Variants in ST13 observed in about 807,000 individuals in gnomAD.
The protein encoded by ST13 is ST13 Hsp70 interacting protein, also known as hsc70-interacting protein.
Under a neutral mutation model 56.7 loss-of-function variants are expected in ST13, and 23 were observed. The ratio of observed to expected loss-of-function variants is 0.41; its 90% CI spans 0.29 to 0.57. The LOEUF (loss-of-function observed/expected upper bound fraction) is 0.57. ST13 is among the 20% of genes least tolerant of loss of function. The probability of loss-of-function intolerance (pLI) is 0.36; values close to 1 mark genes in which losing one functional copy is unlikely to be tolerated. For missense variants in ST13, 369 were observed against 459.9 expected (o/e 0.80, Z 1.81); for synonymous variants, 132 against 142.4 (o/e 0.93, Z 0.52).
At chr22:40,840,790 TTTCA>T in intron 4 of ST13, 98 bp from the exon 5 acceptor site, 1 of 889,086 alleles carries the variant, frequency 1.1e-6, no homozygotes, top group East Asian at 2.5e-5. Context: ...CAATACCCAT[TTTCA>T]TTCATTCTTC....
chr22:40,848,210 G>C, intron 3 of ST13, 84 bp downstream of exon 3: 1 of 930,272 alleles, frequency 1.1e-6, no homozygotes, highest in Non-Finnish European at 1.8e-6. Context: ...CTATTACACA[G>C]TGCTGATTTA....
intron 8 of ST13, 43 bp downstream of exon 8, chr22:40,832,526 G>T (rs2145734386): frequency 7.1e-7 from 1 of 1,401,986 alleles, no homozygotes; most frequent in South Asian, 1.2e-5. Context: ...TACAGCGATG[G>T]AGTATTTAAC....
chr22:40,840,787 C>A, intron 4 of ST13, 95 bp from the exon 5 acceptor site: 1 of 885,958 alleles, frequency 1.1e-6, no homozygotes. Context: ...TCACAATACC[C>A]ATTTTCATTC....
chr22:40,832,816 T>C (rs2057760139), intron 7 of ST13, 145 bp from the exon 8 acceptor site: 4 of 625,764 alleles, frequency 6.4e-6, no homozygotes, highest in Non-Finnish European at 1.1e-5. Context: ...CCAATTCAAT[T>C]ACTATATCCC....
Position 40,856,544 on chromosome 22 carries a change from A to G in ST13, c.-4T>C. 1 of 1,611,318 alleles carries G rather than the reference A, an allele frequency of 6.2e-7. No individual in the cohort carries two copies. Among genetic ancestry groups the G allele is most frequent in the Non-Finnish European group, 8.5e-7 (1 of 1,179,222 alleles). ...CGTTCACTTTGCGGGGGTCCATGGT[A>G]GGGAGGTGGTGGGCGAAACTGGGGG... On this transcript the variant is annotated 5_prime_UTR_variant, in exon 1 of 12. Transcript: ENST00000216218.
In ST13 at chr22:40,856,421, T is replaced by G; in HGVS notation, c.110+10A>C. ...CCCCGCCCCCAACGGTCCTCAGGCC[T>G]GGGTCTCACCTCTCCACCCACTCCC... On this transcript the variant is annotated intron_variant, in intron 1 of 11. Transcript: ENST00000216218. The G allele has an allele frequency of 6.2e-7, 1 of 1,610,526 alleles. No homozygotes were observed. Among genetic ancestry groups the G allele is most frequent in the Non-Finnish European group, 8.5e-7 (1 of 1,176,930 alleles).
At chr22:40,840,483 G>T in intron 5 of ST13, 143 bp downstream of exon 5, 1 of 641,386 alleles carries the variant, frequency 1.6e-6, no homozygotes, top group South Asian at 2.0e-5. Flanking sequence ...TTTTATCAAT[G>T]AGGAAGGGGT....
intron 8 of ST13, among the ~76,000 whole-genome samples, chr22:40,831,928 T>G (rs1209823291): frequency 1.3e-5 from 2 of 152,190 alleles, no homozygotes; most frequent in Non-Finnish European, 2.9e-5. Flanking sequence ...CTTGGCTCAC[T>G]GCAACCTTCC....
At chr22:40,827,782 G>A (rs1329007036) in intron 10 of ST13, among the ~76,000 whole-genome samples, 1 of 151,948 alleles carries the variant, frequency 6.6e-6, no homozygotes, top group Non-Finnish European at 1.5e-5. Context: ...TGGGATTACC[G>A]GTGTGAGCCA....
At chr22:40,832,061 G>T (rs2057756380) in intron 8 of ST13, 2 of 378,924 alleles carry the variant, frequency 5.3e-6, no homozygotes, top group African/African-American at 4.2e-5. Context: ...TCACTACGTT[G>T]GCCAGGCTGG....
chr22:40,834,393 C>A (rs2057768023), intron 7 of ST13, among the ~76,000 whole-genome samples: 1 of 152,064 alleles, frequency 6.6e-6, no homozygotes, highest in Non-Finnish European at 1.5e-5. Flanking sequence ...TTATGTATAT[C>A]ACAGCATTGT....
At chr22:40,839,710 C>T (rs1455218672) in intron 5 of ST13, among the ~76,000 whole-genome samples, 1 of 150,272 alleles carries the variant, frequency 6.7e-6, no homozygotes, top group Admixed American at 6.6e-5. Flanking sequence ...TGCAGAGAGC[C>T]GAGATCACGC....
At chr22:40,849,426 C>G (rs1938714724) in intron 2 of ST13, among the ~76,000 whole-genome samples, 1 of 135,696 alleles carries the variant, frequency 7.4e-6, no homozygotes, top group Non-Finnish European at 1.5e-5. Context: ...TGCAATGAGC[C>G]AAGAGATCGC....
chr22:40,840,416 CAG>C, intron 5 of ST13, among the ~76,000 whole-genome samples: 1 of 151,224 alleles, frequency 6.6e-6, no homozygotes, highest in South Asian at 2.1e-4. Flanking sequence ...GTCAGGAAAT[CAG>C]AGACACTGAA....
At chr22:40,845,603 T>C (rs1268242798) in intron 3 of ST13, among the ~76,000 whole-genome samples, 1 of 152,110 alleles carries the variant, frequency 6.6e-6, no homozygotes, top group Non-Finnish European at 1.5e-5. Context: ...TGACCAAAGC[T>C]AGTACTTACA....
chr22:40,856,328 G>A, intron 1 of ST13, 103 bp downstream of exon 1: 1 of 1,002,896 alleles, frequency 1.0e-6, no homozygotes, highest in East Asian at 2.4e-5. Context: ...CAAAGAAGGG[G>A]CAGCGACCCC....
At chr22:40,839,708 G>C in intron 5 of ST13, among the ~76,000 whole-genome samples, 1 of 151,498 alleles carries the variant, frequency 6.6e-6, no homozygotes, top group Non-Finnish European at 1.5e-5. Context: ...GTTGCAGAGA[G>C]CCGAGATCAC....
At chr22:40,838,599 CAAAA>C (rs530979962) in intron 5 of ST13, among the ~76,000 whole-genome samples, 1 of 133,030 alleles carries the variant, frequency 7.5e-6, no homozygotes, top group African/African-American at 2.7e-5. Context: ...CTATCTCTAC[CAAAA>C]AAAAAAAAAA....
chr22:40,843,958 C>T (rs1321686358), intron 4 of ST13, among the ~76,000 whole-genome samples: 1 of 151,302 alleles, frequency 6.6e-6, no homozygotes, highest in Non-Finnish European at 1.5e-5. Flanking sequence ...TCTCACCTCA[C>T]TGCAACCTCT....
Sources: allele counts gnomAD v4.1 joint callset (sites outside exome capture counted in the v4.1 genomes callset), GRCh38; gene constraint gnomAD v4.1.1; transcripts MANE v1.5; gene names NCBI Gene and HGNC (gene_info 2026-07-23, HGNC 2026-07-21).